The following EIF4E1B variants were observed in gnomAD, a reference collection of about 807,000 sequenced individuals.
The protein encoded by EIF4E1B is eukaryotic translation initiation factor 4E family member 1B.
A neutral mutation model predicts 31.3 loss-of-function variants in EIF4E1B; 22 were observed. The observed-to-expected ratio is 0.70, with a 90% confidence interval of 0.50 to 1.00. The LOEUF (loss-of-function observed/expected upper bound fraction) is 1.00. Among genes scored for constraint, EIF4E1B ranks in the 50% least tolerant of loss-of-function variants. The pLI is 0.00. For missense variants in EIF4E1B, 290 were observed against 311.6 expected (o/e 0.93, Z 0.52); for synonymous variants, 126 against 120.2 (o/e 1.05, Z -0.31).
intron 1 of EIF4E1B, among the ~76,000 whole-genome samples, chr5:176,634,680 T>A (rs1047045751): frequency 6.6e-6 from 1 of 150,556 alleles, no homozygotes; most frequent in Non-Finnish European, 1.5e-5. Flanking sequence ...TTTCTTTTTT[T>A]TTTTTTCGAG....
intron 1 of EIF4E1B, among the ~76,000 whole-genome samples, chr5:176,635,776 G>T (rs1760481849): frequency 6.6e-6 from 1 of 152,142 alleles, no homozygotes; most frequent in Non-Finnish European, 1.5e-5. Flanking sequence ...AGGGGAGGTA[G>T]GGTAAAAAGA....
chr5:176,633,921 G>A (rs1431566859), intron 1 of EIF4E1B, among the ~76,000 whole-genome samples: 1 of 152,190 alleles, frequency 6.6e-6, no homozygotes, highest in Non-Finnish European at 1.5e-5. Flanking sequence ...TCAGTAGGAG[G>A]CTGGGGCAGA....
At chr5:176,635,799 T>C (rs1308548684) in intron 1 of EIF4E1B, among the ~76,000 whole-genome samples, 1 of 151,982 alleles carries the variant, frequency 6.6e-6, no homozygotes, top group East Asian at 1.9e-4. Flanking sequence ...ATCTGCCAGT[T>C]GTCTGTCTTT....
At position 176,645,466 on chromosome 5, in the gene EIF4E1B, C is replaced by T. The variant is rs115095188; in HGVS notation, c.564C>T (p.Ile188=). The change falls in exon 8 of 9, where the codon ATC becomes ATT. Residue 188 remains isoleucine (I), a synonymous_variant. Transcript: ENST00000318682. This position sits in a 1 kb window ranked among gnomAD's most constrained non-coding sequence, Gnocchi z 5.4. ...ACATCCGCACCAAGGGGGACAAGAT[C>T]GCTGTGTGGACGAGGGAGGCGGAAA... ...VVNIRTKGDK[I]AVWTREAENQ... 142 of 1,518,540 alleles carry T rather than the reference C, an allele frequency of 9.4e-5. No individual in the cohort carries two copies. The African/African-American group carries it at 9.6e-4, about 10-fold the overall frequency. The allele number at this position is 1,518,540 out of a possible 1,614,324, so 94.1% of individuals were successfully genotyped here. A position where few individuals can be genotyped will look rare whatever the true frequency, so the allele number is the denominator to read the frequency against.
chr5:176,634,749 A>G (rs1271157477), intron 1 of EIF4E1B, among the ~76,000 whole-genome samples: 2 of 147,214 alleles, frequency 1.4e-5, no homozygotes, highest in Admixed American at 1.4e-4. Context: ...GGCTCACTGC[A>G]ACCTCTGCCT....
At chr5:176,632,798 C>A (rs1238744934) in intron 1 of EIF4E1B, among the ~76,000 whole-genome samples, 1 of 152,192 alleles carries the variant, frequency 6.6e-6, no homozygotes. Context: ...AGGGGTCCCC[C>A]ACCTTCTGAG....
chr5:176,639,927 A>C (rs1387289588), intron 1 of EIF4E1B, among the ~76,000 whole-genome samples: 1 of 152,118 alleles, frequency 6.6e-6, no homozygotes, highest in Non-Finnish European at 1.5e-5. Flanking sequence ...GTCTCAAAAC[A>C]ACAACAACAA....
chr5:176,645,475 G>A lies in EIF4E1B; in HGVS notation c.573G>A (p.Trp191Ter). ...CCAAGGGGGACAAGATCGCTGTGTG[G>A]ACGAGGGAGGCGGAAAACCAGGCGG... is the stretch of plus-strand genomic sequence containing the variant. The part of the protein sequence containing the change: ...IRTKGDKIAV[W>*]TREAENQAGV... Residue 191 changes from tryptophan to a stop codon, truncating the protein, a stop_gained, in exon 8 of 9, where the codon TGG becomes TGA. Coordinates refer to ENST00000318682, the MANE Select transcript of EIF4E1B (RefSeq NM_001099408.2). LOFTEE classifies it low-confidence loss of function (END_TRUNC). The surrounding 1 kb of genome is among the most constrained non-coding windows in gnomAD (Gnocchi z 5.4). 4 of 1,519,470 alleles carry A rather than the reference G, an allele frequency of 2.6e-6. No homozygotes were observed. Among genetic ancestry groups the A allele is most frequent in the Non-Finnish European group, 3.5e-6 (4 of 1,135,944 alleles). 94.1% of individuals were successfully genotyped at this position (1,519,470 alleles called of 1,614,324 possible).
Position 176,638,165 on chromosome 5 carries a change from C to A in EIF4E1B, c.-201-3878C>A, listed in dbSNP as rs1211247291. 6.6e-6 allele frequency among the ~76,000 whole-genome samples: 1 copy of A among 152,148 alleles called. No individual in the cohort carries two copies. The highest frequency in any genetic ancestry group is 1.5e-5 in the Non-Finnish European group (1 of 68,020). On this transcript the variant is annotated intron_variant, in intron 1 of 8. Coordinates refer to ENST00000318682, the MANE Select transcript of EIF4E1B (RefSeq NM_001099408.2). This position sits in a 1 kb window ranked among gnomAD's most constrained non-coding sequence, Gnocchi z 4.3. ...GTAGCTCTGAGATGCATAGTAGATA[C>A]CCAGATGGAGCTGTCGGGCGGGCAG... is the stretch of plus-strand genomic sequence containing the variant.
chr5:176,638,591 AAGG>A lies in EIF4E1B; in HGVS notation c.-201-3449_-201-3447del, dbSNP rs1192259581. ...ACATTTGAGCCAAGCCCAGAAGGAC[AAGG>A]AGAAGTTCTGTAAAAAGTTGCAGAG... On this transcript the variant is annotated intron_variant, in intron 1 of 8. Coordinates refer to ENST00000318682, the MANE Select transcript of EIF4E1B (RefSeq NM_001099408.2). This position sits in a 1 kb window ranked among gnomAD's most constrained non-coding sequence, Gnocchi z 4.3. 6.6e-6 allele frequency among the ~76,000 whole-genome samples: 1 copy of A among 152,344 alleles called. No individual in the cohort carries two copies. The highest frequency in any genetic ancestry group is 2.4e-5 in the African/African-American group (1 of 41,586).
chr5:176,643,007 G>C, intron 3 of EIF4E1B, 75 bp from the exon 4 acceptor site: 2 of 1,534,780 alleles, frequency 1.3e-6, no homozygotes, highest in South Asian at 1.2e-5. Context: ...CCTGGAGCAG[G>C]GGATGGGCAG....
At chr5:176,641,770 G>A (rs567123703) in intron 1 of EIF4E1B, 9 of 152,650 alleles carry the variant, frequency 5.9e-5, no homozygotes, top group African/African-American at 2.2e-4. Context: ...GACCCTAAAA[G>A]TGCCCAAGGG....
intron 1 of EIF4E1B, chr5:176,641,663 C>T (rs1168793200): frequency 6.6e-6 from 1 of 152,386 alleles, no homozygotes; most frequent in East Asian, 1.9e-4. Context: ...CTAGCACGTA[C>T]CAGGGCTTAA....
At chr5:176,634,128 G>C (rs895796158) in intron 1 of EIF4E1B, among the ~76,000 whole-genome samples, 7 of 151,782 alleles carry the variant, frequency 4.6e-5, no homozygotes, top group African/African-American at 1.7e-4. Flanking sequence ...AATGAAATAG[G>C]CATTGAGGGG....
Position 176,645,524 on chromosome 5 carries a change from G to C in EIF4E1B, c.614+8G>C. 6.6e-7 allele frequency: 1 copy of C among 1,511,106 alleles called. No homozygotes were observed. The highest frequency in any genetic ancestry group is 1.9e-4 in the Middle Eastern group (1 of 5,300). The allele number at this position is 1,511,106 out of a possible 1,614,324, so 93.6% of individuals were successfully genotyped here. Reference sequence around the variant, plus strand: ...GGGCGTGCTGCACGTTGGGTGAGGAGGGTCTCTGGCACAGGGTGGGGACTT... The same window carrying C: ...GGGCGTGCTGCACGTTGGGTGAGGACGGTCTCTGGCACAGGGTGGGGACTT... On this transcript the variant is annotated splice_region_variant and intron_variant, in intron 8 of 8. Coordinates refer to ENST00000318682, the MANE Select transcript of EIF4E1B (RefSeq NM_001099408.2). This position sits in a 1 kb window ranked among gnomAD's most constrained non-coding sequence, Gnocchi z 5.4.
intron 1 of EIF4E1B, among the ~76,000 whole-genome samples, chr5:176,634,285 C>A (rs745746173): frequency 6.6e-6 from 1 of 152,066 alleles, no homozygotes; most frequent in East Asian, 1.9e-4. Context: ...ATTTGAGCCA[C>A]GGTGTACTCA....
chr5:176,634,817 C>A (rs934630521), intron 1 of EIF4E1B, among the ~76,000 whole-genome samples: 2 of 151,600 alleles, frequency 1.3e-5, no homozygotes, highest in Admixed American at 1.3e-4. Flanking sequence ...TTACAGGCAC[C>A]CGCCACCACA....
intron 1 of EIF4E1B, among the ~76,000 whole-genome samples, chr5:176,632,942 G>A (rs897472957): frequency 6.6e-6 from 1 of 152,190 alleles, no homozygotes; most frequent in Non-Finnish European, 1.5e-5. Flanking sequence ...GGAAGCAGCA[G>A]GGAAGCAGAG....
chr5:176,644,208 G>A, intron 5 of EIF4E1B, 168 bp from the exon 6 acceptor site: 1 of 690,560 alleles, frequency 1.4e-6, no homozygotes, highest in South Asian at 1.9e-5. Context: ...TGGAAAAGGT[G>A]GGTCTTGAGA....
Sources: gnomAD v4.1 joint callset for allele counts (sites outside exome capture counted in the v4.1 genomes callset) on GRCh38, gnomAD v4.1.1 for gene constraint, Gnocchi (gnomAD v3.1) non-coding constraint, MANE v1.5 for transcripts, NCBI Gene and HGNC (gene_info 2026-07-23, HGNC 2026-07-21) for gene names.